RUNX1: variants seen among roughly 807,000 people sequenced by gnomAD.
The protein encoded by RUNX1 is RUNX family transcription factor 1.
RUNX1 carries 19 observed loss-of-function variants against 42.8 expected under a neutral mutation model. That is an observed-to-expected ratio of 0.44 (90% CI 0.31 to 0.65). RUNX1 has a LOEUF of 0.65. Among genes scored for constraint, RUNX1 ranks in the 30% least tolerant of loss-of-function variants. The pLI is 0.07. For missense variants in RUNX1, 528 were observed against 672.0 expected, an observed-to-expected ratio of 0.79 and a Z score of 2.37; for synonymous variants, 271 against 289.4, an observed-to-expected ratio of 0.94 and a Z score of 0.64.
chr21:35,010,625 GCACA>G (rs113068635), intron 2 of RUNX1, among the ~76,000 whole-genome samples: 2,812 of 143,650 alleles, frequency 0.02, 125 homozygotes, highest in Admixed American at 0.12. Context: ...ACACACACAC[GCACA>G]CACACACACA....
chr21:35,004,877 A>C (rs2059072659), intron 2 of RUNX1, among the ~76,000 whole-genome samples: 1 of 152,178 alleles, frequency 6.6e-6, no homozygotes, highest in Admixed American at 6.5e-5. Context: ...CTACAAGAAC[A>C]TGGATGTGGT....
intron 6 of RUNX1, among the ~76,000 whole-genome samples, chr21:34,841,634 G>A (rs2057236811): frequency 6.6e-6 from 1 of 152,170 alleles, no homozygotes; most frequent in Admixed American, 6.5e-5. Flanking sequence ...GGCAGCAGTG[G>A]CCACCTTGCT....
At chr21:35,029,711 C>A (rs2059260236) in intron 2 of RUNX1, among the ~76,000 whole-genome samples, 1 of 152,142 alleles carries the variant, frequency 6.6e-6, no homozygotes, top group Non-Finnish European at 1.5e-5. Flanking sequence ...GATCTTTTGA[C>A]CTCTGTAGGA....
chr21:35,013,705 C>G (rs1353763341), intron 2 of RUNX1, among the ~76,000 whole-genome samples: 1 of 152,150 alleles, frequency 6.6e-6, no homozygotes, highest in Admixed American at 6.5e-5. Flanking sequence ...TCCTTGTAGC[C>G]TTTGAAACAG....
At chr21:34,812,956 G>A (rs537609191) in intron 7 of RUNX1, among the ~76,000 whole-genome samples, 1 of 152,318 alleles carries the variant, frequency 6.6e-6, no homozygotes, top group East Asian at 1.9e-4. Flanking sequence ...CTACAGAACT[G>A]AAGGGTCAAA....
chr21:34,883,974 A>G (rs1240482416), intron 4 of RUNX1, among the ~76,000 whole-genome samples: 2 of 152,212 alleles, frequency 1.3e-5, no homozygotes, highest in African/African-American at 4.8e-5. Context: ...GAATATTACC[A>G]TCAGAATCCA....
intron 7 of RUNX1, among the ~76,000 whole-genome samples, chr21:34,813,534 A>G (rs1272709962): frequency 6.6e-6 from 1 of 152,054 alleles, no homozygotes; most frequent in African/African-American, 2.4e-5. Context: ...GGGAAACTCC[A>G]TCCCCATGTA....
At chr21:34,957,302 T>C (rs1416392023) in intron 2 of RUNX1, among the ~76,000 whole-genome samples, 7 of 152,150 alleles carry the variant, frequency 4.6e-5, no homozygotes, top group Admixed American at 4.6e-4. Flanking sequence ...TAGGGGCGAA[T>C]GAGCAGGAAA....
At chr21:34,849,148 AT>A in intron 6 of RUNX1, among the ~76,000 whole-genome samples, 1 of 144,688 alleles carries the variant, frequency 6.9e-6, no homozygotes, top group Non-Finnish European at 1.5e-5. Context: ...TACCAAACCA[AT>A]GTACTGCCTT....
intron 2 of RUNX1, among the ~76,000 whole-genome samples, chr21:34,926,891 G>A (rs1334020422): frequency 6.6e-6 from 1 of 152,128 alleles, no homozygotes; most frequent in African/African-American, 2.4e-5. Context: ...ACAGAAAAGT[G>A]TGAGGCAAGG....
chr21:34,800,936 G>A (rs1200755924), intron 7 of RUNX1, among the ~76,000 whole-genome samples: 1 of 152,024 alleles, frequency 6.6e-6, no homozygotes, highest in African/African-American at 2.4e-5. Context: ...TAAAGAGCTG[G>A]CAAGGAACAA....
At chr21:34,936,664 T>C (rs938396386) in intron 2 of RUNX1, among the ~76,000 whole-genome samples, 1 of 152,108 alleles carries the variant, frequency 6.6e-6, no homozygotes, top group African/African-American at 2.4e-5. Context: ...TGGCAAGAAA[T>C]ATCGACAGAT....
chr21:35,032,128 C>G (rs1409964916), intron 2 of RUNX1, among the ~76,000 whole-genome samples: 1 of 152,192 alleles, frequency 6.6e-6, no homozygotes, highest in East Asian at 1.9e-4. Context: ...ACACATGCCA[C>G]AAGCCTTGAA....
intron 2 of RUNX1, among the ~76,000 whole-genome samples, chr21:34,932,042 A>G (rs1483900795): frequency 6.6e-6 from 1 of 152,142 alleles, no homozygotes; most frequent in Non-Finnish European, 1.5e-5. Flanking sequence ...TTAAATAAGA[A>G]AAGGTAAGGA....
chr21:34,926,732 T>C (rs2058398050), intron 2 of RUNX1, among the ~76,000 whole-genome samples: 1 of 152,020 alleles, frequency 6.6e-6, no homozygotes, highest in Non-Finnish European at 1.5e-5. Context: ...TTTAACATAA[T>C]GCAATAAGAA....
chr21:34,857,487 T>G (rs1391606164), intron 6 of RUNX1, among the ~76,000 whole-genome samples: 2 of 152,210 alleles, frequency 1.3e-5, no homozygotes, highest in Non-Finnish European at 2.9e-5. Context: ...TCTTTATGCA[T>G]GAGGAAATAA....
At chr21:35,026,562 AG>A (rs2059238193) in intron 2 of RUNX1, among the ~76,000 whole-genome samples, 1 of 152,154 alleles carries the variant, frequency 6.6e-6, no homozygotes. Context: ...ACCAGGTCAA[AG>A]CATTACATAC....
intron 2 of RUNX1, among the ~76,000 whole-genome samples, chr21:35,005,961 T>C (rs1285707286): frequency 6.6e-6 from 1 of 152,172 alleles, no homozygotes; most frequent in Non-Finnish European, 1.5e-5. Context: ...ATGCCTGGGA[T>C]TGTGTTTTTA....
chr21:34,878,583 G>A (rs2057850945), intron 5 of RUNX1, among the ~76,000 whole-genome samples: 1 of 152,030 alleles, frequency 6.6e-6, no homozygotes, highest in Non-Finnish European at 1.5e-5. Flanking sequence ...GCCCAGCCTT[G>A]GTTGCAGCTA....
Sources: allele counts gnomAD v4.1 joint callset (sites outside exome capture counted in the v4.1 genomes callset), GRCh38; gene constraint gnomAD v4.1.1; transcripts MANE v1.5; gene names NCBI Gene and HGNC (gene_info 2026-07-23, HGNC 2026-07-21).